MCUB: variants seen among roughly 807,000 people sequenced by gnomAD.
MCUB encodes the protein calcium uniporter regulatory subunit MCUb, mitochondrial.
MCUB carries 46 observed loss-of-function variants against 41.4 expected under a neutral mutation model. That is an observed-to-expected ratio of 1.11 (90% CI 0.88 to 1.42). MCUB has a LOEUF of 1.42. Ranked by LOEUF, MCUB falls within the 40% of genes most tolerant of loss-of-function variation. MCUB has a pLI of 0.00. For missense variants in MCUB, 403 were observed against 404.9 expected, an observed-to-expected ratio of 1.00 and a Z score of 0.04; for synonymous variants, 148 against 148.2, an observed-to-expected ratio of 1.00 and a Z score of 0.01.
chr4:109,591,671 T>A (rs182202351), intron 1 of MCUB, among the ~76,000 whole-genome samples: 99 of 152,272 alleles, frequency 6.5e-4, no homozygotes, highest in Non-Finnish European at 1.3e-3. Context: ...TTTTGAGTTG[T>A]TTCTCCATCG....
intron 5 of MCUB, among the ~76,000 whole-genome samples, chr4:109,683,911 G>A (rs1729772883): frequency 6.6e-6 from 1 of 152,052 alleles, no homozygotes; most frequent in African/African-American, 2.4e-5. Context: ...TTTTCCAAGG[G>A]CAGTTATTAC....
At chr4:109,588,645 C>T (rs1008624742) in intron 1 of MCUB, among the ~76,000 whole-genome samples, 25 of 152,158 alleles carry the variant, frequency 1.6e-4, no homozygotes. Flanking sequence ...TGAAGGGTTA[C>T]ATTTCTTAGT....
chr4:109,622,247 A>C (rs1409384070), intron 1 of MCUB, among the ~76,000 whole-genome samples: 2 of 152,232 alleles, frequency 1.3e-5, no homozygotes, highest in Non-Finnish European at 2.9e-5. Flanking sequence ...GCTTGTAAAA[A>C]GAACTTGAAG....
intron 1 of MCUB, among the ~76,000 whole-genome samples, chr4:109,617,444 G>A (rs1280766181): frequency 6.6e-6 from 1 of 152,156 alleles, no homozygotes; most frequent in Non-Finnish European, 1.5e-5. Flanking sequence ...CCATGGCTGG[G>A]TAACTGATGC....
chr4:109,649,903 ACT>A (rs1728922891), intron 1 of MCUB, among the ~76,000 whole-genome samples: 2 of 152,094 alleles, frequency 1.3e-5, no homozygotes, highest in Admixed American at 1.3e-4. Flanking sequence ...AAATCTAAGG[ACT>A]CATCCTGAGA....
chr4:109,640,567 A>G (rs1025451808), intron 1 of MCUB, among the ~76,000 whole-genome samples: 3 of 152,218 alleles, frequency 2.0e-5, no homozygotes, highest in Non-Finnish European at 4.4e-5. Context: ...TTTATGTTAT[A>G]GAGATGGCCT....
intron 1 of MCUB, among the ~76,000 whole-genome samples, chr4:109,624,180 A>AGT (rs1370513055): frequency 6.6e-6 from 1 of 152,190 alleles, no homozygotes; most frequent in Admixed American, 6.5e-5. Context: ...GATCTTAGAC[A>AGT]GTGCTCCAGG....
At chr4:109,684,263 C>T (rs530218569) in intron 5 of MCUB, among the ~76,000 whole-genome samples, 180 bp from the exon 6 acceptor site, 1 of 152,154 alleles carries the variant, frequency 6.6e-6, no homozygotes, top group South Asian at 2.1e-4. Context: ...GGGGTTTCAC[C>T]ATGTTAACCA....
chr4:109,605,591 C>T (rs1421003946), intron 1 of MCUB, among the ~76,000 whole-genome samples: 1 of 152,136 alleles, frequency 6.6e-6, no homozygotes, highest in Non-Finnish European at 1.5e-5. Flanking sequence ...GATTGATTTT[C>T]TGTCTGGATG....
At chr4:109,560,828 T>A (rs1726608483) in intron 1 of MCUB, among the ~76,000 whole-genome samples, 1 of 151,966 alleles carries the variant, frequency 6.6e-6, no homozygotes, top group African/African-American at 2.4e-5. Flanking sequence ...GGTTCCCTCT[T>A]GGTGATCAGT....
Position 109,560,384 on chromosome 4 carries a change from C to G in MCUB, c.47C>G (p.Thr16Ser). 2 of 1,329,146 alleles carry G rather than the reference C, an allele frequency of 1.5e-6. No individual in the cohort carries two copies. The highest frequency in any genetic ancestry group is 1.9e-6 in the Non-Finnish European group (2 of 1,039,678). The allele number at this position is 1,329,146 out of a possible 1,614,324, so 82.3% of individuals were successfully genotyped here. Residue 16 changes from threonine to serine, a missense_variant, in exon 1 of 8, where the codon ACC becomes AGC. By Grantham distance (58) the Thr-to-Ser change is moderately conservative. Coordinates refer to ENST00000394650, the MANE Select transcript of MCUB (RefSeq NM_017918.5). The stretch of plus-strand genomic sequence containing the variant: ...CCGTGGCGCACGCGGCTGCTGCCGA[C>G]CCCTGGCACCTGGCGCCCAGCGCGC... ...LWPWRTRLLP[T>S]PGTWRPARPW...
At position 109,660,268 on chromosome 4, in the gene MCUB, A is replaced by G. The variant is rs765136791; in HGVS notation, c.249A>G (p.Gln83=). The G allele has an allele frequency of 6.2e-6, 10 of 1,602,128 alleles. No individual in the cohort carries two copies. In the East Asian group the frequency reaches 2.2e-4, roughly 36 times the overall value. Residue 83 remains glutamine, a synonymous_variant, in exon 3 of 8, where the codon CAA becomes CAG. Coordinates refer to ENST00000394650, the MANE Select transcript of MCUB (RefSeq NM_017918.5). The stretch of plus-strand genomic sequence containing the variant: ...TGCCATCTAGAAAAGAACGTTGTCA[A>G]TTCGTAGTCAAACCAATGTTGTCAA... ...LTLPSRKERC[Q]FVVKPMLSTV...
chr4:109,674,184 T>C (rs1369236035), intron 4 of MCUB: 1 of 841,180 alleles, frequency 1.2e-6, no homozygotes, highest in African/African-American at 1.7e-5. Flanking sequence ...ATTATTGAAG[T>C]TACCTATTAT....
At chr4:109,638,184 C>G (rs753209824) in intron 1 of MCUB, among the ~76,000 whole-genome samples, 5 of 151,982 alleles carry the variant, frequency 3.3e-5, no homozygotes, top group Non-Finnish European at 7.4e-5. Flanking sequence ...GGTGAAACCC[C>G]ATGTCTACAA....
intron 1 of MCUB, among the ~76,000 whole-genome samples, chr4:109,565,250 G>T (rs1160417334): frequency 1.3e-5 from 2 of 152,084 alleles, no homozygotes; most frequent in African/African-American, 4.8e-5. Context: ...TGTTAGAAGT[G>T]GGTCAAAAAT....
intron 1 of MCUB, among the ~76,000 whole-genome samples, chr4:109,606,161 A>G (rs1727865818): frequency 6.6e-6 from 1 of 152,104 alleles, no homozygotes; most frequent in Non-Finnish European, 1.5e-5. Flanking sequence ...TTTTTAGTAG[A>G]GACGGGGTTT....
At chr4:109,566,863 C>T (rs752905589) in intron 1 of MCUB, among the ~76,000 whole-genome samples, 6 of 152,126 alleles carry the variant, frequency 3.9e-5, no homozygotes, top group East Asian at 1.9e-4. Context: ...ATGACCCAAA[C>T]GCATTTAGTT....
chr4:109,576,714 T>C (rs1026294111), intron 1 of MCUB, among the ~76,000 whole-genome samples: 2 of 152,124 alleles, frequency 1.3e-5, no homozygotes, highest in African/African-American at 4.8e-5. Context: ...CAAAGGATGA[T>C]TCACAGAGAT....
intron 1 of MCUB, among the ~76,000 whole-genome samples, chr4:109,596,209 G>A (rs1208798035): frequency 1.3e-3 from 81 of 60,570 alleles, no homozygotes; most frequent in Non-Finnish European, 2.2e-3. Context: ...TCAGGAAGAT[G>A]GAGCCCAACT....
Sources: allele counts gnomAD v4.1 joint callset (sites outside exome capture counted in the v4.1 genomes callset), GRCh38; gene constraint gnomAD v4.1.1; transcripts MANE v1.5; gene names NCBI Gene and HGNC (gene_info 2026-07-23, HGNC 2026-07-21).